The following ABCB1 variants were observed in gnomAD, a reference collection of about 807,000 sequenced individuals.
ABCB1 encodes the protein ATP binding cassette subfamily B member 1.
In ABCB1, 69 loss-of-function variants were observed where a neutral mutation model predicts 142.0. The observed-to-expected ratio is 0.49, with a 90% CI of 0.40 to 0.59. ABCB1 has a LOEUF of 0.59. Ranked by LOEUF, ABCB1 falls within the 20% of genes least tolerant of loss-of-function variation. ABCB1 has a pLI of 0.00. For synonymous variants in ABCB1, 532 were observed against 539.2 expected (o/e 0.99, Z 0.18); for missense variants, 1,326 against 1,554.7 (o/e 0.85, Z 2.47).
intron 1 of ABCB1, among the ~76,000 whole-genome samples, chr7:87,661,760 A>G (rs1356910823): frequency 3.3e-5 from 5 of 152,010 alleles, no homozygotes; most frequent in Non-Finnish European, 7.4e-5. Context: ...TCTTTTAGGT[A>G]TATATCTAGC....
intron 1 of ABCB1, among the ~76,000 whole-genome samples, chr7:87,688,543 G>A (rs900256513): frequency 1.3e-5 from 2 of 151,524 alleles, no homozygotes; most frequent in East Asian, 1.9e-4. Flanking sequence ...TATTTATTAT[G>A]TGGAACTAAT....
intron 1 of ABCB1, among the ~76,000 whole-genome samples, chr7:87,692,282 C>A (rs1335514534): frequency 1.3e-5 from 2 of 152,062 alleles, no homozygotes; most frequent in African/African-American, 4.8e-5. Context: ...AAGATCTGGT[C>A]TCTACAAAAA....
At chr7:87,506,896 G>C (rs1814778857) in intron 26 of ABCB1, among the ~76,000 whole-genome samples, 1 of 152,234 alleles carries the variant, frequency 6.6e-6, no homozygotes, top group South Asian at 2.1e-4. Context: ...GAAGACGCCA[G>C]ATGAGGTTTT....
chr7:87,545,629 A>G (rs189018803), intron 15 of ABCB1, among the ~76,000 whole-genome samples: 22 of 152,338 alleles, frequency 1.4e-4, no homozygotes, highest in Admixed American at 4.6e-4. Context: ...ACTGACTACT[A>G]TAACGGATAA....
intron 3 of ABCB1, among the ~76,000 whole-genome samples, chr7:87,595,307 T>C (rs1819152412): frequency 6.6e-6 from 1 of 152,192 alleles, no homozygotes; most frequent in Admixed American, 6.5e-5. Context: ...TACCTTTTAT[T>C]GTTAGTAATG....
intron 23 of ABCB1, chr7:87,518,813 G>C (rs1248886978): frequency 6.4e-6 from 1 of 157,244 alleles, no homozygotes; most frequent in Non-Finnish European, 1.4e-5. Context: ...TCTACATTCA[G>C]AACAATGTAG....
At chr7:87,523,213 A>T (rs572149465) in intron 21 of ABCB1, among the ~76,000 whole-genome samples, 6 of 152,276 alleles carry the variant, frequency 3.9e-5, no homozygotes, top group Non-Finnish European at 8.8e-5. Context: ...CACCTGGGTA[A>T]GCAATCCTCC....
rs996161901 is a variant in ABCB1, at chr7:87,656,205, C to G, written c.-330-55127G>C. On this transcript the variant is annotated intron_variant, in intron 1 of 28. Coordinates refer to the ABCB1 transcript ENST00000265724. ...CAATTTAGCCATTCCATGATATATA[C>G]AAATTTCAAAACATGTATATCATAT... Among the ~76,000 whole-genome samples the G allele has an allele frequency of 2.6e-5, 4 of 151,950 alleles. No individual in the cohort carries two copies. In the East Asian group the frequency reaches 7.7e-4, roughly 29 times the overall value.
At chr7:87,650,048 C>G (rs1823423584) in intron 1 of ABCB1, among the ~76,000 whole-genome samples, 1 of 152,192 alleles carries the variant, frequency 6.6e-6, no homozygotes, top group African/African-American at 2.4e-5. Context: ...TGAAAACAGA[C>G]TAATACAGAC....
chr7:87,663,276 A>G (rs900978703), intron 1 of ABCB1, among the ~76,000 whole-genome samples: 3 of 152,046 alleles, frequency 2.0e-5, no homozygotes, highest in Non-Finnish European at 4.4e-5. Context: ...TGTAAATACA[A>G]GGTTCTTTTC....
intron 17 of ABCB1, among the ~76,000 whole-genome samples, chr7:87,543,051 C>T (rs1431751446): frequency 6.6e-6 from 1 of 152,134 alleles, no homozygotes; most frequent in Non-Finnish European, 1.5e-5. Context: ...CCAGGCATGG[C>T]AGCTCATGCC....
intron 1 of ABCB1, among the ~76,000 whole-genome samples, chr7:87,613,257 C>CTT (rs67823385): frequency 0.034 from 2,171 of 64,304 alleles, 115 homozygotes; most frequent in Non-Finnish European, 0.044. Flanking sequence ...TCCTTTATTT[C>CTT]TTTTTTTTTT....
chr7:87,608,161 G>A (rs1819724644), intron 1 of ABCB1, among the ~76,000 whole-genome samples: 1 of 152,152 alleles, frequency 6.6e-6, no homozygotes. Flanking sequence ...CAACATTGCA[G>A]TAAAGAACAT....
At chr7:87,622,053 T>A (rs1168322729) in intron 1 of ABCB1, among the ~76,000 whole-genome samples, 1 of 152,048 alleles carries the variant, frequency 6.6e-6, no homozygotes, top group East Asian at 1.9e-4. Context: ...AAGTATATAA[T>A]CTTGGAGGTG....
At chr7:87,588,542 A>G (rs1818858021) in intron 3 of ABCB1, among the ~76,000 whole-genome samples, 1 of 152,200 alleles carries the variant, frequency 6.6e-6, no homozygotes, top group African/African-American at 2.4e-5. Flanking sequence ...ATGGTGTTCA[A>G]TGCTCTATGT....
At chr7:87,524,591 G>C (rs1475616568) in intron 21 of ABCB1, among the ~76,000 whole-genome samples, 1 of 152,038 alleles carries the variant, frequency 6.6e-6, no homozygotes, top group Non-Finnish European at 1.5e-5. Flanking sequence ...TTGTGGGGTA[G>C]AGGGAAGGGG....
At position 87,680,988 on chromosome 7, in the gene ABCB1, T is replaced by C. The variant is rs1424842193; in HGVS notation, c.-331+32173A>G. ...AAAATTCATAAACTTCTGGTTAGGC[T>C]GATCAAGAAAATGAGAAAGGATACA... On this transcript the variant is annotated intron_variant, in intron 1 of 28. Coordinates refer to the ABCB1 transcript ENST00000265724. Among the ~76,000 whole-genome samples, 11 of 150,388 alleles carry C rather than the reference T, an allele frequency of 7.3e-5. 2 individuals are homozygous for C. Among genetic ancestry groups the C allele is most frequent in the African/African-American group, 2.7e-4 (11 of 40,514 alleles).
chr7:87,662,392 A>G (rs1191933177), intron 1 of ABCB1, among the ~76,000 whole-genome samples: 2 of 152,044 alleles, frequency 1.3e-5, no homozygotes, highest in Non-Finnish European at 2.9e-5. Context: ...CAGGTTTTAG[A>G]TTTCAGTATT....
chr7:87,582,795 A>G (rs1413030938), intron 4 of ABCB1, among the ~76,000 whole-genome samples: 1 of 152,228 alleles, frequency 6.6e-6, no homozygotes, highest in East Asian at 1.9e-4. Context: ...CACGGGTCAC[A>G]AAATATAATT....
Sources: gnomAD v4.1 joint callset for allele counts (sites outside exome capture counted in the v4.1 genomes callset) on GRCh38, gnomAD v4.1.1 for gene constraint, MANE v1.5 for transcripts, NCBI Gene and HGNC (gene_info 2026-07-23, HGNC 2026-07-21) for gene names.